The following ZNF480 variants were observed in gnomAD, a reference collection of about 807,000 sequenced individuals.
The protein encoded by ZNF480 is zinc finger protein 480.
A neutral mutation model predicts 14.4 loss-of-function variants in ZNF480; 15 were observed. That is an observed-to-expected ratio of 1.04 (90% confidence interval 0.70 to 1.60). The LOEUF (loss-of-function observed/expected upper bound fraction) is 1.60, where lower values mean the gene tolerates loss of function less well. Among genes scored for constraint, ZNF480 ranks in the 40% most tolerant of loss-of-function variants. The probability of loss-of-function intolerance (pLI) is 0.00; values close to 1 mark genes in which losing one functional copy is unlikely to be tolerated. For synonymous variants in ZNF480, 218 were observed against 215.5 expected, an observed-to-expected ratio of 1.01 and a Z score of -0.10; for missense variants, 593 against 629.7, an observed-to-expected ratio of 0.94 and a Z score of 0.62.
At position 52,321,663 on chromosome 19, in the gene ZNF480, A is replaced by G. The variant is rs1229982973; in HGVS notation, c.413A>G (p.Glu138Gly). The G allele has an allele frequency of 6.2e-7, 1 of 1,614,074 alleles. No homozygotes were observed. Among genetic ancestry groups the G allele is most frequent in the Non-Finnish European group, 8.5e-7 (1 of 1,179,962 alleles). The change falls in exon 5 of 5, where the codon GAA becomes GGA. Residue 138 changes from glutamate to glycine, a missense_variant. Glu to Gly is a moderately conservative substitution (Grantham distance 98, BLOSUM62 -2). Transcript: ENST00000595962. The stretch of plus-strand genomic sequence containing the variant: ...GTATCCTTTCACTTACATCTGTCTG[A>G]ACTGGAGCTATTTCCAGATGAAAGG... ...LGVSFHLHLS[E>G]LELFPDERVI...
At chr19:52,318,408 T>C (rs1212272477) in intron 4 of ZNF480, among the ~76,000 whole-genome samples, 1 of 152,158 alleles carries the variant, frequency 6.6e-6, no homozygotes, top group African/African-American at 2.4e-5. Context: ...ACATCCGGCC[T>C]ATATATATTT....
intron 1 of ZNF480, chr19:52,297,632 G>A (rs111312495): frequency 3.0e-3 from 528 of 176,064 alleles, no homozygotes; most frequent in Non-Finnish European, 4.8e-3. Context: ...TCTGCCCAGT[G>A]CTGGGATTCT....
At position 52,314,244 on chromosome 19, in the gene ZNF480, T is replaced by A; in HGVS notation, c.164T>A (p.Val55Glu). The change falls in exon 3 of 5, where the codon GTG becomes GAG. Residue 55 changes from valine to glutamate, a missense_variant. Coordinates refer to ENST00000595962, the MANE Select transcript of ZNF480 (RefSeq NM_144684.4). ...DPAQRALYKD[V>E]MLENYRNLVS... is the part of the protein sequence containing the mutation. The stretch of plus-strand genomic sequence containing the variant: ...GCACAGAGGGCTTTATACAAGGATG[T>A]GATGTTGGAGAACTACAGGAACCTG... The A allele has an allele frequency of 6.3e-7, 1 of 1,577,538 alleles. No homozygotes were observed. Among genetic ancestry groups the A allele is most frequent in the Non-Finnish European group, 8.6e-7 (1 of 1,157,202 alleles).
At chr19:52,314,332 T>C in intron 3 of ZNF480, 53 bp downstream of exon 3, 2 of 1,430,578 alleles carry the variant, frequency 1.4e-6, no homozygotes, top group Non-Finnish European at 9.3e-7. Context: ...TATTTCAGCA[T>C]TTTCCCTTGT....
chr19:52,321,848 G>A lies in ZNF480; in HGVS notation c.598G>A (p.Glu200Lys), dbSNP rs757384038. Reference protein sequence around the residue: ...LPQEQKVHLREKPYECNEHSK... With the variant: ...LPQEQKVHLRKKPYECNEHSK... ...ACAAGAACAGAAAGTACACCTTAGA[G>A]AAAAACCTTATGAATGTAATGAGCA... The change falls in exon 5 of 5, where the codon GAA becomes AAA. Residue 200 changes from glutamate (E) to lysine (K), a missense_variant. Glu to Lys is a moderately conservative substitution (Grantham distance 56, BLOSUM62 1). Coordinates refer to ENST00000595962, the MANE Select transcript of ZNF480 (RefSeq NM_144684.4). 1.3e-5 allele frequency: 21 copies of A among 1,614,064 alleles called. No individual in the cohort carries two copies. In the South Asian group the frequency reaches 2.1e-4, roughly 16 times the overall value.
rs762993590 is a variant in ZNF480 at position 52,322,146 on chromosome 19, A to G, written c.896A>G (p.Asn299Ser). Reference protein sequence around the residue: ...CNECGKVFSNNSYLARHQRIH... With the variant: ...CNECGKVFSNSSYLARHQRIH... ...GAATGTGGTAAAGTCTTCAGTAATAATTCTTACCTTGCACGACATCAAAGA... is the reference window on the plus strand; with the variant it reads ...GAATGTGGTAAAGTCTTCAGTAATAGTTCTTACCTTGCACGACATCAAAGA... Residue 299 changes from asparagine to serine, a missense_variant, in exon 5 of 5, where the codon AAT becomes AGT. By Grantham distance (46) the Asn-to-Ser change is conservative. Coordinates refer to ENST00000595962, the MANE Select transcript of ZNF480 (RefSeq NM_144684.4). 1 of 1,613,982 alleles carries G rather than the reference A, an allele frequency of 6.2e-7. No homozygotes were observed.
At chr19:52,309,110 G>C (rs1983145401) in intron 2 of ZNF480, among the ~76,000 whole-genome samples, 1 of 152,160 alleles carries the variant, frequency 6.6e-6, no homozygotes, top group Non-Finnish European at 1.5e-5. Flanking sequence ...AAAATTCTCA[G>C]TGATTGTTTT....
At chr19:52,297,814 C>T in intron 1 of ZNF480, 1 of 152,472 alleles carries the variant, frequency 6.6e-6, no homozygotes, top group East Asian at 1.9e-4. Context: ...AAATAACACC[C>T]CACTGAAAAG....
chr19:52,313,111 G>A (rs1174044484), intron 2 of ZNF480, among the ~76,000 whole-genome samples: 26 of 134,060 alleles, frequency 1.9e-4, no homozygotes, highest in South Asian at 4.9e-4. Context: ...GTGAGCCACC[G>A]CGCCCAGCCT....
chr19:52,312,944 CTGAG>C (rs2122542419), intron 2 of ZNF480, among the ~76,000 whole-genome samples: 1 of 152,144 alleles, frequency 6.6e-6, no homozygotes, highest in East Asian at 1.9e-4. Flanking sequence ...CCTCAGCCTC[CTGAG>C]TAACTGGGAT....
chr19:52,302,477 T>C (rs954901893), intron 2 of ZNF480, among the ~76,000 whole-genome samples: 4 of 152,174 alleles, frequency 2.6e-5, no homozygotes, highest in African/African-American at 9.7e-5. Flanking sequence ...TAGAGAAAAA[T>C]GTAGCTAGAG....
chr19:52,317,348 T>C (rs1268083739), intron 4 of ZNF480: 1 of 152,018 alleles, frequency 6.6e-6, no homozygotes, highest in Admixed American at 6.6e-5. Flanking sequence ...CTCTTCAAGA[T>C]GCTGTGTTTA....
intron 1 of ZNF480, among the ~76,000 whole-genome samples, chr19:52,299,176 G>A (rs1982564232): frequency 6.6e-6 from 1 of 152,166 alleles, no homozygotes; most frequent in Non-Finnish European, 1.5e-5. Flanking sequence ...TTCCTGGGAT[G>A]GGGTAGGGTG....
intron 2 of ZNF480, among the ~76,000 whole-genome samples, chr19:52,313,032 G>A: frequency 6.6e-6 from 1 of 151,646 alleles, no homozygotes; most frequent in Admixed American, 6.6e-5. Context: ...TGTTGGCCAG[G>A]ATGGTCTTGA....
At chr19:52,304,103 A>G (rs1418696639) in intron 2 of ZNF480, among the ~76,000 whole-genome samples, 1 of 152,246 alleles carries the variant, frequency 6.6e-6, no homozygotes, top group Non-Finnish European at 1.5e-5. Context: ...CTTGTTCTAC[A>G]TAAGTCTGAC....
chr19:52,314,173 C>T lies in ZNF480; in HGVS notation c.93C>T (p.Asp31=), dbSNP rs753694397. Reference sequence around the variant, plus strand: ...TTTAGGGACACTTAACATTCAGGGACGTGGCCATAGAATTCTCTCAGGCGG... The same window carrying T: ...TTTAGGGACACTTAACATTCAGGGATGTGGCCATAGAATTCTCTCAGGCGG... ...ALPQGHLTFR[D]VAIEFSQAEW... Residue 31 remains aspartate, a synonymous_variant, in exon 3 of 5, where the codon GAC becomes GAT. Transcript: ENST00000595962. The T allele has an allele frequency of 1.7e-5, 27 of 1,575,370 alleles. No individual in the cohort carries two copies. Among genetic ancestry groups the T allele is most frequent in the South Asian group, 1.4e-4 (13 of 90,740 alleles).
At chr19:52,318,895 G>T (rs190572407) in intron 4 of ZNF480, among the ~76,000 whole-genome samples, 2 of 151,374 alleles carry the variant, frequency 1.3e-5, no homozygotes, top group African/African-American at 4.9e-5. Context: ...ATGGATTCTC[G>T]CTCTGTCATC....
chr19:52,309,201 C>T (rs560269473), intron 2 of ZNF480, among the ~76,000 whole-genome samples: 86 of 152,320 alleles, frequency 5.6e-4, no homozygotes, highest in Non-Finnish European at 1.1e-3. Flanking sequence ...CAATCAGTCA[C>T]CTCTCTGTTT....
intron 2 of ZNF480, among the ~76,000 whole-genome samples, chr19:52,302,484 A>G (rs950659699): frequency 4.6e-5 from 7 of 152,222 alleles, no homozygotes; most frequent in African/African-American, 1.7e-4. Context: ...AAATGTAGCT[A>G]GAGCTTGGCT....
Sources: allele counts gnomAD v4.1 joint callset (sites outside exome capture counted in the v4.1 genomes callset), GRCh38; gene constraint gnomAD v4.1.1; transcripts MANE v1.5; gene names NCBI Gene and HGNC (gene_info 2026-07-23, HGNC 2026-07-21).